Variants in SLC22A16 observed in about 807,000 individuals in gnomAD.
SLC22A16 encodes WUGSC:RG331P03.1.
SLC22A16 carries 53 observed loss-of-function variants against 52.9 expected under a neutral mutation model. The ratio of observed to expected loss-of-function variants is 1.00; its 90% CI spans 0.80 to 1.26. The LOEUF (loss-of-function observed/expected upper bound fraction) is 1.26. Among genes scored for constraint, SLC22A16 ranks in the 50% most tolerant of loss-of-function variants. The pLI is 0.00. For missense variants in SLC22A16, 726 were observed against 704.0 expected, an observed-to-expected ratio of 1.03 and a Z score of -0.35; for synonymous variants, 291 against 268.8, an observed-to-expected ratio of 1.08 and a Z score of -0.81.
At chr6:110,457,145 T>C in intron 1 of SLC22A16, 128 bp from the exon 2 acceptor site, 3 of 893,890 alleles carry the variant, frequency 3.4e-6, no homozygotes, top group East Asian at 2.8e-5. Context: ...GAAATAATTA[T>C]AGACATATTT....
chr6:110,464,762 A>C (rs1199473590), intron 1 of SLC22A16, among the ~76,000 whole-genome samples: 2 of 152,136 alleles, frequency 1.3e-5, no homozygotes, highest in Non-Finnish European at 2.9e-5. Context: ...AAAATTAAGG[A>C]AGAGGAATTC....
Position 110,442,233 on chromosome 6 carries a change from T to C in SLC22A16, c.1183+11A>G, listed in dbSNP as rs1340743344. On this transcript the variant is annotated intron_variant, in intron 4 of 7. Transcript: ENST00000368919. Reference sequence around the variant, plus strand: ...TTCACTGCCAAATTTAAATATACTGTAACTACTTACCCAGGAGGAAGAGGT... The same window carrying C: ...TTCACTGCCAAATTTAAATATACTGCAACTACTTACCCAGGAGGAAGAGGT... 6.2e-7 allele frequency: 1 copy of C among 1,610,230 alleles called. No homozygotes were observed. The highest frequency in any genetic ancestry group is 2.2e-5 in the East Asian group (1 of 44,818).
At chr6:110,439,592 G>GA (rs756886651) in intron 4 of SLC22A16, among the ~76,000 whole-genome samples, 3 of 152,248 alleles carry the variant, frequency 2.0e-5, no homozygotes, top group Middle Eastern at 3.4e-3. Flanking sequence ...GAGGAAATCA[G>GA]AAAAAATAAC....
intron 7 of SLC22A16, chr6:110,425,369 T>C: frequency 7.3e-7 from 1 of 1,364,612 alleles, no homozygotes; most frequent in South Asian, 1.2e-5. Flanking sequence ...CTCCTGAAGG[T>C]GCTGTCCTAG....
At chr6:110,464,682 A>T (rs1235563060) in intron 1 of SLC22A16, among the ~76,000 whole-genome samples, 1 of 152,112 alleles carries the variant, frequency 6.6e-6, no homozygotes, top group Non-Finnish European at 1.5e-5. Flanking sequence ...ACCCAGGACC[A>T]GACGGATTCA....
intron 3 of SLC22A16, among the ~76,000 whole-genome samples, chr6:110,446,526 G>T (rs190648035): frequency 6.6e-6 from 1 of 152,242 alleles, no homozygotes; most frequent in East Asian, 1.9e-4. Flanking sequence ...TTATACAAGT[G>T]ACTTTAACCA....
intron 1 of SLC22A16, among the ~76,000 whole-genome samples, chr6:110,463,363 T>A (rs2115010331): frequency 6.6e-6 from 1 of 150,896 alleles, no homozygotes. Flanking sequence ...GACCCAACCA[T>A]CTGCTACCTA....
intron 7 of SLC22A16, among the ~76,000 whole-genome samples, chr6:110,427,260 A>AAAAAG (rs1554222360): frequency 0.072 from 9,890 of 137,708 alleles, 519 homozygotes; most frequent in Middle Eastern, 0.12. Context: ...AAAAAAAAAA[A>AAAAAG]AAAAGAAAAA....
In SLC22A16 at chr6:110,440,654, G is replaced by A. The variant is rs573629904; in HGVS notation, c.1183+1590C>T. 1.2e-4 allele frequency among the ~76,000 whole-genome samples: 19 copies of A among 152,218 alleles called. No individual in the cohort carries two copies. In the South Asian group the frequency reaches 2.1e-3, roughly 17 times the overall value. On this transcript the variant is annotated intron_variant, in intron 4 of 7. Coordinates refer to ENST00000368919, the MANE Select transcript of SLC22A16 (RefSeq NM_033125.4). The stretch of plus-strand genomic sequence containing the variant: ...TAGCTGGGCATGGTGGCATGTGCCC[G>A]TAATATCATTTATTCAGGAGGCTGA...
chr6:110,455,583 G>A (rs1775616625), intron 2 of SLC22A16: 1 of 152,048 alleles, frequency 6.6e-6, no homozygotes, highest in African/African-American at 2.4e-5. Flanking sequence ...CTTTGGTATG[G>A]TCCATGTTCA....
chr6:110,440,784 A>G (rs752345653), intron 4 of SLC22A16, among the ~76,000 whole-genome samples: 2 of 152,342 alleles, frequency 1.3e-5, no homozygotes, highest in Admixed American at 6.5e-5. Context: ...TTCCAAAAAA[A>G]AAAGTTAATG....
chr6:110,436,436 G>A (rs1774732417), intron 5 of SLC22A16, among the ~76,000 whole-genome samples: 1 of 152,112 alleles, frequency 6.6e-6, no homozygotes, highest in Non-Finnish European at 1.5e-5. Context: ...ACCAGCCAGG[G>A]CAACATAGCA....
At chr6:110,475,534 G>A (rs1196276191) in intron 1 of SLC22A16, among the ~76,000 whole-genome samples, 3 of 152,176 alleles carry the variant, frequency 2.0e-5, no homozygotes, top group African/African-American at 4.8e-5. Context: ...CAGACACTGG[G>A]AATCAAAACC....
intron 2 of SLC22A16, among the ~76,000 whole-genome samples, chr6:110,455,185 T>C (rs911349460): frequency 7.3e-5 from 11 of 150,570 alleles, no homozygotes; most frequent in Non-Finnish European, 1.6e-4. Context: ...TTTTGTACTC[T>C]GACTGTGTTA....
rs973949528 is a variant in SLC22A16 at position 110,431,115 on chromosome 6, G to A, written c.1521+56C>T. The A allele has an allele frequency of 8.0e-6, 11 of 1,377,800 alleles. No homozygotes were observed. The Admixed American group carries it at 1.2e-4, about 15-fold the overall frequency. 85.3% of individuals were successfully genotyped at this position (1,377,800 alleles called of 1,614,324 possible). ...ATAACAATAGAGAAGTTGCTAATAGGCAATTAGAAACTGCCTCCGTGCCCC... is the reference window on the plus strand; with the variant it reads ...ATAACAATAGAGAAGTTGCTAATAGACAATTAGAAACTGCCTCCGTGCCCC... On this transcript the variant is annotated intron_variant, in intron 7 of 7. Coordinates refer to ENST00000368919, the MANE Select transcript of SLC22A16 (RefSeq NM_033125.4).
At chr6:110,468,161 A>AGGGG (rs1232744145) in intron 1 of SLC22A16, among the ~76,000 whole-genome samples, 3 of 152,246 alleles carry the variant, frequency 2.0e-5, no homozygotes, top group Non-Finnish European at 2.9e-5. Flanking sequence ...CTACAAAGCA[A>AGGGG]AATGCAGGCG....
intron 2 of SLC22A16, 104 bp downstream of exon 2, chr6:110,456,434 G>A: frequency 7.4e-7 from 1 of 1,359,004 alleles, no homozygotes; most frequent in South Asian, 1.4e-5. Context: ...TAGATAGGAA[G>A]TATAAAAATG....
At chr6:110,443,959 G>C (rs1582546025) in intron 3 of SLC22A16, among the ~76,000 whole-genome samples, 1 of 152,268 alleles carries the variant, frequency 6.6e-6, no homozygotes, top group Non-Finnish European at 1.5e-5. Flanking sequence ...TCAGGGGCTA[G>C]GGAGACAGGG....
chr6:110,464,814 A>G (rs190757879), intron 1 of SLC22A16, among the ~76,000 whole-genome samples: 1 of 152,232 alleles, frequency 6.6e-6, no homozygotes. Flanking sequence ...TAATGATACC[A>G]AAATCTGATA....
Sources: gnomAD v4.1 joint callset for allele counts (sites outside exome capture counted in the v4.1 genomes callset) on GRCh38, gnomAD v4.1.1 for gene constraint, MANE v1.5 for transcripts, NCBI Gene and HGNC (gene_info 2026-07-23, HGNC 2026-07-21) for gene names.